Variants in SPPL3 observed in about 807,000 individuals in gnomAD.
SPPL3 encodes signal peptide peptidase like 3, also known as signal peptide peptidase-like 3.
In SPPL3, 5 loss-of-function variants were observed where a neutral mutation model predicts 42.4. The ratio of observed to expected loss-of-function variants is 0.12; its 90% confidence interval spans 0.06 to 0.25. The LOEUF is 0.25. Ranked by LOEUF, SPPL3 falls within the 10% of genes least tolerant of loss-of-function variation. The pLI is 1.00. For missense variants in SPPL3, 235 were observed against 489.0 expected (o/e 0.48, Z 4.90); for synonymous variants, 195 against 181.8 (o/e 1.07, Z -0.58).
chr12:120,858,460 A>G (rs1872527892), intron 1 of SPPL3, among the ~76,000 whole-genome samples: 1 of 109,724 alleles, frequency 9.1e-6, no homozygotes, highest in Non-Finnish European at 2.0e-5. Context: ...CCATCTCAAG[A>G]AAACAAAAAA....
chr12:120,799,201 G>A (rs913434938), intron 2 of SPPL3, among the ~76,000 whole-genome samples: 19 of 152,100 alleles, frequency 1.2e-4, no homozygotes, highest in South Asian at 4.1e-4. Flanking sequence ...TACCTTAAAC[G>A]TGCTCAGAAC....
intron 1 of SPPL3, among the ~76,000 whole-genome samples, chr12:120,843,593 G>C (rs1871904508): frequency 1.3e-5 from 2 of 152,140 alleles, no homozygotes; most frequent in Non-Finnish European, 2.9e-5. Context: ...CAGGGCACTA[G>C]GTGTACTCCT....
intron 2 of SPPL3, among the ~76,000 whole-genome samples, chr12:120,803,563 T>C (rs985824045): frequency 1.3e-5 from 2 of 152,050 alleles, no homozygotes; most frequent in African/African-American, 4.8e-5. Flanking sequence ...AATTTTAATT[T>C]ATAAAAAATT....
chr12:120,888,996 T>C (rs1873550264), intron 1 of SPPL3, among the ~76,000 whole-genome samples: 1 of 151,982 alleles, frequency 6.6e-6, no homozygotes. Flanking sequence ...GCATTTTTAG[T>C]AGAGATGGGG....
chr12:120,900,583 G>A lies in SPPL3; in HGVS notation c.23+3262C>T, dbSNP rs140661271. Among the ~76,000 whole-genome samples the A allele has an allele frequency of 6.3e-3, 848 of 135,238 alleles. 11 individuals carry two copies. The highest frequency in any genetic ancestry group is 0.022 in the African/African-American group (764 of 35,014). 88.7% of individuals were successfully genotyped at this position (135,238 alleles called of 152,430 possible). On this transcript the variant is annotated intron_variant, in intron 1 of 10. Coordinates refer to ENST00000353487, the MANE Select transcript of SPPL3 (RefSeq NM_139015.5). ...CACTCCAGCCTGCATGATAAAGTGA[G>A]ACCCTGTCTCAAGGAAAAAAAAAAA...
At chr12:120,885,777 A>C (rs931184837) in intron 1 of SPPL3, among the ~76,000 whole-genome samples, 2 of 152,136 alleles carry the variant, frequency 1.3e-5, no homozygotes, top group Non-Finnish European at 2.9e-5. Flanking sequence ...AGTGTACAGT[A>C]AACAGAAAGT....
intron 2 of SPPL3, among the ~76,000 whole-genome samples, chr12:120,806,728 T>C (rs113931273): frequency 0.016 from 2,458 of 151,850 alleles, 28 homozygotes; most frequent in South Asian, 0.067. Context: ...GGGTGCCTAG[T>C]TCCAGCTACT....
intron 3 of SPPL3, among the ~76,000 whole-genome samples, chr12:120,785,657 TG>T (rs1566041316): frequency 6.6e-6 from 1 of 151,830 alleles, no homozygotes; most frequent in Non-Finnish European, 1.5e-5. Flanking sequence ...AATCTTCATA[TG>T]ATCTATAATA....
chr12:120,878,061 T>A, intron 1 of SPPL3, among the ~76,000 whole-genome samples: 1 of 151,430 alleles, frequency 6.6e-6, no homozygotes, highest in Admixed American at 6.6e-5. Flanking sequence ...AATAAAAATA[T>A]CAGAGTGAGA....
chr12:120,834,765 C>A (rs369988507), intron 1 of SPPL3, among the ~76,000 whole-genome samples: 2 of 152,132 alleles, frequency 1.3e-5, no homozygotes, highest in Admixed American at 6.5e-5. Flanking sequence ...TTTCTGTACT[C>A]TTTTCATTAA....
At chr12:120,892,389 T>C (rs1281314775) in intron 1 of SPPL3, among the ~76,000 whole-genome samples, 4 of 152,060 alleles carry the variant, frequency 2.6e-5, no homozygotes, top group Non-Finnish European at 5.9e-5. Context: ...AGAACATTTC[T>C]CCTGCGCCAA....
intron 3 of SPPL3, 62 bp from the exon 4 acceptor site, chr12:120,784,655 T>C: frequency 7.3e-7 from 1 of 1,365,920 alleles, no homozygotes; most frequent in African/African-American, 1.5e-5. Context: ...GCCTATGCAC[T>C]TCATATACAT....
At chr12:120,901,535 G>A (rs1211970621) in intron 1 of SPPL3, among the ~76,000 whole-genome samples, 2 of 147,866 alleles carry the variant, frequency 1.4e-5, no homozygotes, top group Non-Finnish European at 3.0e-5. Flanking sequence ...AGGCTGCAGT[G>A]AGCCGAGATG....
At chr12:120,779,745 C>A (rs891690099) in intron 6 of SPPL3, among the ~76,000 whole-genome samples, 12 of 135,492 alleles carry the variant, frequency 8.9e-5, no homozygotes, top group African/African-American at 3.3e-4. Flanking sequence ...GAGGCTGAGG[C>A]GGGTGGATCA....
intron 1 of SPPL3, among the ~76,000 whole-genome samples, chr12:120,877,723 G>A (rs1487188913): frequency 2.6e-5 from 4 of 151,242 alleles, no homozygotes; most frequent in African/African-American, 9.7e-5. Flanking sequence ...GGAGGGTGCA[G>A]TGAGCCGAGA....
intron 1 of SPPL3, among the ~76,000 whole-genome samples, chr12:120,858,823 G>A (rs913847543): frequency 1.4e-4 from 21 of 152,130 alleles, no homozygotes; most frequent in Non-Finnish European, 2.2e-4. Context: ...TGACAGCAAC[G>A]CTCTATGGAA....
intron 1 of SPPL3, among the ~76,000 whole-genome samples, chr12:120,880,274 C>CAA (rs1479597419): frequency 6.6e-6 from 1 of 151,728 alleles, no homozygotes; most frequent in Non-Finnish European, 1.5e-5. Flanking sequence ...AAAATAGTCT[C>CAA]AAAAATGGAT....
chr12:120,856,765 C>G (rs1690784474), intron 1 of SPPL3, among the ~76,000 whole-genome samples: 3 of 151,984 alleles, frequency 2.0e-5, no homozygotes, highest in Admixed American at 1.3e-4. Flanking sequence ...CTACTGACTG[C>G]TAAAGACTGG....
chr12:120,779,048 C>T (rs780714423), intron 6 of SPPL3, among the ~76,000 whole-genome samples: 1 of 152,052 alleles, frequency 6.6e-6, no homozygotes, highest in Admixed American at 6.6e-5. Flanking sequence ...ATCATGTTAC[C>T]ATATTGCAGC....
Sources: allele counts gnomAD v4.1 joint callset (sites outside exome capture counted in the v4.1 genomes callset), GRCh38; gene constraint gnomAD v4.1.1; transcripts MANE v1.5; gene names NCBI Gene and HGNC (gene_info 2026-07-23, HGNC 2026-07-21).